IKBIP: variants seen among roughly 807,000 people sequenced by gnomAD.
The protein encoded by IKBIP is IKBKB interacting protein, also known as inhibitor of nuclear factor kappa-B kinase-interacting protein.
Under a neutral mutation model 31.0 loss-of-function variants are expected in IKBIP, and 28 were observed. That is an observed-to-expected ratio of 0.90 (90% CI 0.67 to 1.24). The LOEUF (loss-of-function observed/expected upper bound fraction) is 1.24. Among genes scored for constraint, IKBIP ranks in the 50% most tolerant of loss-of-function variants. The pLI is 0.00. For missense variants in IKBIP, 453 were observed against 441.9 expected (o/e 1.03, Z -0.23); for synonymous variants, 164 against 160.3 (o/e 1.02, Z -0.17).
chr12:98,619,912 A>ATTAT (rs531585772), downstream of IKBIP, among the ~76,000 whole-genome samples: 1,655 of 138,556 alleles, frequency 0.012, 23 homozygotes, highest in South Asian at 0.031. Context: ...CAGTGATTTG[A>ATTAT]TTATTTATTT....
chr12:98,613,789 C>T (rs772334127), exon 3 of IKBIP: 1 of 1,610,404 alleles, frequency 6.2e-7, no homozygotes, highest in African/African-American at 1.3e-5. Flanking sequence ...GATTATACAC[C>T]TTTGGTTTTA....
chr12:98,618,392 C>T (rs559253493), intron 2 of IKBIP, among the ~76,000 whole-genome samples: 11 of 151,504 alleles, frequency 7.3e-5, no homozygotes, highest in African/African-American at 1.7e-4. Flanking sequence ...TTTGGGAGGC[C>T]GAGGTGGGCG....
chr12:98,624,835 C>CAATAA lies in IKBIP; in HGVS notation c.*1094_*1095insTTATT. On this transcript the variant is annotated 3_prime_UTR_variant, in exon 3 of 3. Coordinates refer to ENST00000299157, the MANE Select transcript of IKBIP (RefSeq NM_153687.4). ...TTATTTATTTATTGAGACAGAGTCT[C>CAATAA]ACTTTGCCACTCAGGCTGGAGTGCA... 2.7e-6 allele frequency: 2 copies of CAATAA among 731,952 alleles called. No individual in the cohort carries two copies. The highest frequency in any genetic ancestry group is 3.3e-6 in the Non-Finnish European group (2 of 598,830). 45.3% of individuals were successfully genotyped at this position (731,952 alleles called of 1,614,324 possible). A position where few individuals can be genotyped will look rare whatever the true frequency, so the allele number is the denominator to read the frequency against.
intron 1 of IKBIP, among the ~76,000 whole-genome samples, chr12:98,643,206 C>A (rs1286220120): frequency 6.6e-6 from 1 of 152,186 alleles, no homozygotes. Context: ...CCACCTCGGC[C>A]TCCCAAAGTG....
intron 1 of IKBIP, among the ~76,000 whole-genome samples, chr12:98,635,623 T>C (rs2097625117): frequency 6.6e-6 from 1 of 152,178 alleles, no homozygotes; most frequent in African/African-American, 2.4e-5. Flanking sequence ...AAGGCCATGA[T>C]TGGGTAATAT....
At chr12:98,619,674 A>AG (rs764172015), downstream of IKBIP, among the ~76,000 whole-genome samples, 75 of 152,078 alleles carry the variant, frequency 4.9e-4, no homozygotes, top group Admixed American at 2.3e-3. Context: ...GCACTTTGTG[A>AG]GGCGGGGTGG....
chr12:98,625,271 G>C lies in IKBIP; in HGVS notation c.*659C>G. 1 of 981,942 alleles carries C rather than the reference G, an allele frequency of 1.0e-6. No individual in the cohort carries two copies. The highest frequency in any genetic ancestry group is 1.2e-6 in the Non-Finnish European group (1 of 826,742). 60.8% of individuals were successfully genotyped at this position (981,942 alleles called of 1,614,324 possible). A position where few individuals can be genotyped will look rare whatever the true frequency, so the allele number is the denominator to read the frequency against. ...TACTCTGATTTTAAAAGTCTTACAA[G>C]TATCTGTAACACAGTTTAGAACCTT... On this transcript the variant is annotated 3_prime_UTR_variant, in exon 3 of 3. Coordinates refer to ENST00000299157, the MANE Select transcript of IKBIP (RefSeq NM_153687.4).
intron 1 of IKBIP, among the ~76,000 whole-genome samples, chr12:98,637,044 GA>G (rs2097626344): frequency 6.6e-6 from 1 of 152,082 alleles, no homozygotes; most frequent in East Asian, 1.9e-4. Context: ...TATTATAAGA[GA>G]CTTTCGTATG....
In IKBIP at chr12:98,613,943, GCTGT is replaced by G; in HGVS notation, c.691_694del (p.Thr231HisfsTer15). 1 of 1,613,618 alleles carries G rather than the reference GCTGT, an allele frequency of 6.2e-7. No homozygotes were observed. Among genetic ancestry groups the G allele is most frequent in the Non-Finnish European group, 8.5e-7 (1 of 1,179,748 alleles). On this transcript the variant is annotated frameshift_variant, in exon 3 of 3. Transcript: ENST00000342502. LOFTEE classifies it high-confidence loss of function. ...GTTAATTCTTTGTGAATTTTCAGAT[GCTGT>G]CTTTCGGAGCGTTGCTGTTCGATCA...
intron 1 of IKBIP, 104 bp from the exon 2 acceptor site, chr12:98,634,517 G>A: frequency 1.7e-6 from 1 of 574,920 alleles, no homozygotes; most frequent in Non-Finnish European, 3.0e-6. Context: ...CATAAATTCT[G>A]GTATGGGTAG....
chr12:98,632,328 T>G (rs369354704), intron 2 of IKBIP, among the ~76,000 whole-genome samples: 1 of 149,356 alleles, frequency 6.7e-6, no homozygotes, highest in Admixed American at 6.7e-5. Flanking sequence ...AAAAAAAAAT[T>G]AGCTGGGTGC....
chr12:98,632,452 A>AGAGCT (rs886493012), intron 2 of IKBIP, among the ~76,000 whole-genome samples: 2 of 123,830 alleles, frequency 1.6e-5, no homozygotes, highest in Non-Finnish European at 3.2e-5. Flanking sequence ...TGACAGAGTG[A>AGAGCT]GAGCTGGGAT....
At chr12:98,621,827 C>T (rs2097610376), downstream of IKBIP, among the ~76,000 whole-genome samples, 1 of 152,124 alleles carries the variant, frequency 6.6e-6, no homozygotes, top group African/African-American at 2.4e-5. Flanking sequence ...TCTGTAATCC[C>T]AGCACTTTGG....
rs767640097 is a variant in IKBIP at position 98,626,160 on chromosome 12, T to C, written c.904A>G (p.Met302Val). ...ETEKKMEDLT[M>V]QMFNMEDDML... is the part of the protein sequence containing the mutation. ...TCATCTTCCATATTAAACATCTGCA[T>C]AGTCAAGTCTTCCATTTTCTTTTCT... The change falls in exon 3 of 3, where the codon ATG becomes GTG. Residue 302 changes from methionine to valine, a missense_variant. Transcript: ENST00000299157. 3.7e-6 allele frequency: 6 copies of C among 1,613,638 alleles called. No individual in the cohort carries two copies. The highest frequency in any genetic ancestry group is 1.6e-4 in the Middle Eastern group (1 of 6,062).
At position 98,625,276 on chromosome 12, in the gene IKBIP, T is replaced by C; in HGVS notation, c.*654A>G. The stretch of plus-strand genomic sequence containing the variant: ...TGATTTTAAAAGTCTTACAAGTATC[T>C]GTAACACAGTTTAGAACCTTAACAA... On this transcript the variant is annotated 3_prime_UTR_variant, in exon 3 of 3. Transcript: ENST00000299157. The C allele has an allele frequency of 1.0e-6, 1 of 982,810 alleles. No homozygotes were observed. Among genetic ancestry groups the C allele is most frequent in the Non-Finnish European group, 1.2e-6 (1 of 827,494 alleles). The allele number at this position is 982,810 out of a possible 1,614,324, so 60.9% of individuals were successfully genotyped here. A position where few individuals can be genotyped will look rare whatever the true frequency, so the allele number is the denominator to read the frequency against.
intron 2 of IKBIP, among the ~76,000 whole-genome samples, chr12:98,632,370 G>A (rs1307650648): frequency 2.0e-5 from 3 of 148,280 alleles, no homozygotes; most frequent in African/African-American, 7.4e-5. Context: ...AGTTACTTGG[G>A]AGGCTGAGTT....
intron 1 of IKBIP, among the ~76,000 whole-genome samples, chr12:98,636,526 G>A (rs1444047274): frequency 6.6e-6 from 1 of 152,162 alleles, no homozygotes; most frequent in Non-Finnish European, 1.5e-5. Context: ...TAGGCTAACC[G>A]TAGCTACAAA....
chr12:98,633,675 C>G (rs2097623179), intron 2 of IKBIP, among the ~76,000 whole-genome samples: 1 of 151,538 alleles, frequency 6.6e-6, no homozygotes, highest in Admixed American at 6.6e-5. Context: ...TGCACCACGC[C>G]CAGCTAATTT....
intron 2 of IKBIP, among the ~76,000 whole-genome samples, chr12:98,627,525 G>A (rs2097615771): frequency 6.8e-6 from 1 of 147,776 alleles, no homozygotes; most frequent in South Asian, 2.1e-4. Flanking sequence ...TGCAAGCTCC[G>A]CCTCCCAGGT....
Sources: gnomAD v4.1 joint callset for allele counts (sites outside exome capture counted in the v4.1 genomes callset) on GRCh38, gnomAD v4.1.1 for gene constraint, MANE v1.5 for transcripts, NCBI Gene and HGNC (gene_info 2026-07-23, HGNC 2026-07-21) for gene names.